Variants in SPATA6 observed in about 807,000 individuals in gnomAD.
The protein encoded by SPATA6 is spermatogenesis associated 6.
In SPATA6, 56 loss-of-function variants were observed where a neutral mutation model predicts 65.3. The observed-to-expected ratio is 0.86, with a 90% CI of 0.69 to 1.07. The LOEUF is 1.07. SPATA6 is among the 50% of genes least tolerant of loss of function. The probability of loss-of-function intolerance (pLI) is 0.00; values close to 1 mark genes in which losing one functional copy is unlikely to be tolerated. For missense variants in SPATA6, 590 were observed against 594.8 expected, an observed-to-expected ratio of 0.99 and a Z score of 0.08; for synonymous variants, 199 against 213.2, an observed-to-expected ratio of 0.93 and a Z score of 0.58.
At chr1:48,323,121 CAT>C (rs1464588334) in intron 11 of SPATA6, among the ~76,000 whole-genome samples, 3 of 152,028 alleles carry the variant, frequency 2.0e-5, no homozygotes, top group Non-Finnish European at 4.4e-5. Context: ...CACATGCACA[CAT>C]GTTTACTGCA....
At chr1:48,272,480 A>T in the SPATA6 span, among the ~76,000 whole-genome samples, 5 of 152,134 alleles carry the variant, frequency 3.3e-5, no homozygotes, top group Non-Finnish European at 5.9e-5. Context: ...AAGATGCCAT[A>T]AAACTCCATC....
rs117245947 is a variant in SPATA6, at chr1:48,346,691, A to C, written c.1194+8979T>G. On this transcript the variant is annotated intron_variant, in intron 11 of 12. Transcript: ENST00000371847. The stretch of plus-strand genomic sequence containing the variant: ...CCAACAATAGTCAAGCTGAGGGCCA[A>C]GTCAGGAATATAATACCCTTCACAA... Among the ~76,000 whole-genome samples, 309 of 152,198 alleles carry C rather than the reference A, an allele frequency of 2.0e-3. 10 individuals carry two copies. In the East Asian group the frequency reaches 0.056, roughly 27 times the overall value.
In SPATA6 at chr1:48,411,345, T is replaced by C. The variant is rs540355745; in HGVS notation, c.405+119A>G. On this transcript the variant is annotated intron_variant, in intron 5 of 12. Transcript: ENST00000371847. ...ATTAAGATTTAAACTACAAAACAAT[T>C]AAGTAAACTAAATTACACTTTGAAT... 5.5e-4 allele frequency: 637 copies of C among 1,157,914 alleles called. 1 individual carries two copies. Among genetic ancestry groups the C allele is most frequent in the Non-Finnish European group, 7.1e-4 (616 of 864,472 alleles). The allele number at this position is 1,157,914 out of a possible 1,614,324, so 71.7% of individuals were successfully genotyped here.
chr1:48,277,471 C>T, the SPATA6 span, among the ~76,000 whole-genome samples: 49 of 152,192 alleles, frequency 3.2e-4, 1 homozygote, highest in Non-Finnish European at 1.2e-4. Flanking sequence ...GGGTCACTCC[C>T]ACCCCAATAC....
At chr1:48,366,346 T>C (rs1217122827) in intron 9 of SPATA6, among the ~76,000 whole-genome samples, 2 of 152,196 alleles carry the variant, frequency 1.3e-5, no homozygotes, top group African/African-American at 2.4e-5. Context: ...TTTCTATTGA[T>C]TGGAATAGTT....
intron 1 of SPATA6, among the ~76,000 whole-genome samples, chr1:48,465,548 A>G (rs1657748954): frequency 1.3e-5 from 2 of 152,190 alleles, no homozygotes; most frequent in South Asian, 2.1e-4. Context: ...ACATATAACT[A>G]AACAATAAAC....
chr1:48,337,615 C>G (rs757833941), intron 11 of SPATA6, among the ~76,000 whole-genome samples: 1 of 151,738 alleles, frequency 6.6e-6, no homozygotes, highest in African/African-American at 2.4e-5. Flanking sequence ...TTAGAACACT[C>G]AAAAACTACA....
intron 3 of SPATA6, among the ~76,000 whole-genome samples, chr1:48,430,566 C>A (rs147453749): frequency 6.6e-6 from 1 of 152,092 alleles, no homozygotes; most frequent in South Asian, 2.1e-4. Context: ...GGTAAATATG[C>A]GGGAAGTTAT....
chr1:48,312,821 A>T (rs1441611620), intron 11 of SPATA6, among the ~76,000 whole-genome samples: 2 of 152,206 alleles, frequency 1.3e-5, no homozygotes, highest in Non-Finnish European at 2.9e-5. Flanking sequence ...CGAATGGCTA[A>T]CTACAATAAC....
At chr1:48,395,424 GA>G (rs1326104127) in intron 7 of SPATA6, 70 bp from the exon 8 acceptor site, 2 of 1,086,070 alleles carry the variant, frequency 1.8e-6, no homozygotes, top group East Asian at 5.8e-5. Flanking sequence ...CATGGTACCA[GA>G]AAAACTACTA....
the SPATA6 span, among the ~76,000 whole-genome samples, chr1:48,277,645 G>T: frequency 6.6e-6 from 1 of 152,118 alleles, no homozygotes; most frequent in African/African-American, 2.4e-5. Context: ...CCGCCATTGC[G>T]CAGGCTTGCT....
the SPATA6 span, among the ~76,000 whole-genome samples, chr1:48,284,780 G>T: frequency 6.6e-6 from 1 of 152,180 alleles, no homozygotes; most frequent in Non-Finnish European, 1.5e-5. Context: ...AGCAAAGATT[G>T]CTCCCTGTTC....
intron 9 of SPATA6, among the ~76,000 whole-genome samples, chr1:48,373,516 A>C (rs1309079928): frequency 4.6e-5 from 7 of 152,162 alleles, no homozygotes; most frequent in African/African-American, 1.7e-4. Flanking sequence ...AAACTGTTCC[A>C]ACCTCTGCCT....
At chr1:48,266,630 T>C in the SPATA6 span, among the ~76,000 whole-genome samples, 1 of 152,212 alleles carries the variant, frequency 6.6e-6, no homozygotes, top group African/African-American at 2.4e-5. Flanking sequence ...TAAAGTCAAA[T>C]GTTCTTTGTT....
intron 11 of SPATA6, among the ~76,000 whole-genome samples, chr1:48,340,241 T>TAAAAA (rs58721253): frequency 7.5e-5 from 4 of 53,056 alleles, no homozygotes; most frequent in Non-Finnish European, 8.8e-5. Flanking sequence ...AGGCCTGCAC[T>TAAAAA]AAAAAAAAAA....
At chr1:48,267,338 A>G in the SPATA6 span, among the ~76,000 whole-genome samples, 1 of 152,226 alleles carries the variant, frequency 6.6e-6, no homozygotes, top group African/African-American at 2.4e-5. Context: ...GGTGGCTTGC[A>G]TTAATCAGCT....
intron 11 of SPATA6, among the ~76,000 whole-genome samples, chr1:48,337,591 T>C (rs1483152157): frequency 6.6e-6 from 1 of 151,860 alleles, no homozygotes; most frequent in Non-Finnish European, 1.5e-5. Context: ...ATTTACAGAT[T>C]ATATTATTAT....
rs187089074 is a variant in SPATA6 at position 48,332,351 on chromosome 1, C to G, written c.1194+23319G>C. ...GTCTTCAAGAGACCCATCTCACATG[C>G]AATGTCATCAACAGGCTTAAAATAA... On this transcript the variant is annotated intron_variant, in intron 11 of 12. Transcript: ENST00000371847. 1.0e-3 allele frequency among the ~76,000 whole-genome samples: 152 copies of G among 152,238 alleles called. 1 individual carries two copies. Among genetic ancestry groups the G allele is most frequent in the African/African-American group, 3.6e-3 (148 of 41,540 alleles).
chr1:48,282,915 A>G, the SPATA6 span, among the ~76,000 whole-genome samples: 2 of 152,160 alleles, frequency 1.3e-5, no homozygotes, highest in Non-Finnish European at 2.9e-5. Flanking sequence ...TCACAATAGC[A>G]AAGACTTTGA....
Sources: allele counts gnomAD v4.1 joint callset (sites outside exome capture counted in the v4.1 genomes callset), GRCh38; gene constraint gnomAD v4.1.1; transcripts MANE v1.5; gene names NCBI Gene and HGNC (gene_info 2026-07-23, HGNC 2026-07-21).